BICRA: variants seen among roughly 807,000 people sequenced by gnomAD.
BICRA encodes BRD4 interacting chromatin remodeling complex associated protein.
A neutral mutation model predicts 96.9 loss-of-function variants in BICRA; 31 were observed. The ratio of observed to expected loss-of-function variants is 0.32; its 90% CI spans 0.24 to 0.43. The LOEUF is 0.43. BICRA is among the 20% of genes least tolerant of loss of function. BICRA has a pLI of 1.00. For synonymous variants in BICRA, 1,350 were observed against 1,071.8 expected, an observed-to-expected ratio of 1.26 and a Z score of -5.07; for missense variants, 2,283 against 2,190.3, an observed-to-expected ratio of 1.04 and a Z score of -0.84.
chr19:47,649,725 G>T (rs1260548887), intron 1 of BICRA, among the ~76,000 whole-genome samples: 1 of 152,132 alleles, frequency 6.6e-6, no homozygotes, highest in Non-Finnish European at 1.5e-5. Flanking sequence ...ATAAATAGAG[G>T]TAGGGATCAA....
intron 1 of BICRA, among the ~76,000 whole-genome samples, chr19:47,611,224 T>A (rs150084816): frequency 1.3e-4 from 20 of 152,284 alleles, no homozygotes; most frequent in African/African-American, 4.8e-4. Flanking sequence ...CTGACTTCAG[T>A]GGACCTGGTT....
At chr19:47,632,790 G>A (rs1204140021) in intron 1 of BICRA, among the ~76,000 whole-genome samples, 1 of 152,186 alleles carries the variant, frequency 6.6e-6, no homozygotes, top group Non-Finnish European at 1.5e-5. Flanking sequence ...GGCCCACCCA[G>A]CCTAGGGAAA....
intron 1 of BICRA, among the ~76,000 whole-genome samples, chr19:47,624,058 C>T (rs1249825753): frequency 6.6e-6 from 1 of 152,010 alleles, no homozygotes; most frequent in Non-Finnish European, 1.5e-5. Flanking sequence ...TCCATGTTGG[C>T]CAGGCTGGTC....
chr19:47,694,062 C>A, intron 7 of BICRA, 53 bp from the exon 8 acceptor site: 1 of 1,453,752 alleles, frequency 6.9e-7, no homozygotes, highest in Non-Finnish European at 9.0e-7. Context: ...GCAACAGGAG[C>A]TATGGTTGGT....
At chr19:47,609,944 C>T (rs928403745) in intron 1 of BICRA, among the ~76,000 whole-genome samples, 1 of 119,638 alleles carries the variant, frequency 8.4e-6, no homozygotes, top group African/African-American at 3.4e-5. Context: ...TGAGGCTCAT[C>T]CCGGAGGGGG....
intron 7 of BICRA, among the ~76,000 whole-genome samples, chr19:47,692,625 TC>T (rs1973258485): frequency 6.6e-6 from 1 of 152,184 alleles, no homozygotes; most frequent in African/African-American, 2.4e-5. Flanking sequence ...CAGGAGGCAG[TC>T]CCACCAGCCG....
chr19:47,608,530 GC>G (rs1479142810), upstream of BICRA: 1 of 152,178 alleles, frequency 6.6e-6, no homozygotes, highest in African/African-American at 2.4e-5. Context: ...GACGCACGGC[GC>G]CCCCTCCCCA....
chr19:47,695,173 G>A, intron 9 of BICRA, 93 bp downstream of exon 9: 2 of 888,350 alleles, frequency 2.3e-6, no homozygotes, highest in South Asian at 3.4e-5. Flanking sequence ...GCAGGGCTGT[G>A]GGACTCAGCA....
intron 1 of BICRA, among the ~76,000 whole-genome samples, chr19:47,638,114 C>G (rs1020448959): frequency 2.6e-5 from 4 of 152,256 alleles, no homozygotes; most frequent in Middle Eastern, 3.4e-3. Context: ...TCCTCTCTTC[C>G]CTCCTCCTCC....
chr19:47,677,194 T>TG (rs1355475159), intron 5 of BICRA, among the ~76,000 whole-genome samples: 12 of 152,212 alleles, frequency 7.9e-5, no homozygotes, highest in African/African-American at 2.9e-4. Flanking sequence ...CTCGAGCACC[T>TG]GCCAGGGGCC....
intron 1 of BICRA, among the ~76,000 whole-genome samples, chr19:47,628,330 CT>C (rs72576381): frequency 0.28 from 42,732 of 151,924 alleles, 6,224 homozygotes; most frequent in Non-Finnish European, 0.32. Flanking sequence ...CTTTGCATTT[CT>C]TAACTCCCAG....
chr19:47,642,407 T>A (rs1599807580), intron 1 of BICRA, among the ~76,000 whole-genome samples: 1 of 152,242 alleles, frequency 6.6e-6, no homozygotes, highest in Middle Eastern at 3.4e-3. Flanking sequence ...TTAATTTTGT[T>A]AGAAACTGCC....
chr19:47,673,051 C>T (rs1052336785), intron 2 of BICRA, among the ~76,000 whole-genome samples: 7 of 152,112 alleles, frequency 4.6e-5, no homozygotes, highest in African/African-American at 1.4e-4. Context: ...TCCCTCACTC[C>T]TTCACCCGTT....
intron 1 of BICRA, among the ~76,000 whole-genome samples, chr19:47,643,734 C>A (rs187034368): frequency 1.3e-5 from 2 of 152,150 alleles, no homozygotes; most frequent in Non-Finnish European, 2.9e-5. Flanking sequence ...TTTGCCATAT[C>A]GGGCTCTGGA....
intron 1 of BICRA, among the ~76,000 whole-genome samples, chr19:47,649,663 A>G (rs1972514143): frequency 6.6e-6 from 1 of 152,196 alleles, no homozygotes; most frequent in Non-Finnish European, 1.5e-5. Flanking sequence ...AAGACATGGT[A>G]TGAGGTCGAT....
intron 7 of BICRA, among the ~76,000 whole-genome samples, chr19:47,690,785 T>C (rs964035006): frequency 3.5e-4 from 38 of 107,240 alleles, no homozygotes; most frequent in Non-Finnish European, 4.7e-4. Flanking sequence ...GTGACTTAAT[T>C]TGTGGATTGT....
chr19:47,643,950 C>T (rs1433685034), intron 1 of BICRA, among the ~76,000 whole-genome samples: 2 of 152,188 alleles, frequency 1.3e-5, no homozygotes, highest in Non-Finnish European at 2.9e-5. Context: ...TAACTTGCTT[C>T]AGGTTGCACA....
intron 1 of BICRA, among the ~76,000 whole-genome samples, chr19:47,645,541 G>T (rs1972446755): frequency 6.6e-6 from 1 of 152,158 alleles, no homozygotes; most frequent in Admixed American, 6.5e-5. Flanking sequence ...AAGAAAAATG[G>T]TCTCTTAACA....
intron 1 of BICRA, among the ~76,000 whole-genome samples, chr19:47,652,231 G>T (rs1455197229): frequency 6.6e-6 from 1 of 152,108 alleles, no homozygotes. Flanking sequence ...GGTCACCCAG[G>T]CTGGAGTGCA....
Sources: allele counts gnomAD v4.1 joint callset (sites outside exome capture counted in the v4.1 genomes callset), GRCh38; gene constraint gnomAD v4.1.1; transcripts MANE v1.5; gene names NCBI Gene and HGNC (gene_info 2026-07-23, HGNC 2026-07-21).